The following NR3C2 variants were observed in gnomAD, a reference collection of about 807,000 sequenced individuals.
NR3C2 encodes mineralocorticoid receptor.
Under a neutral mutation model 86.4 loss-of-function variants are expected in NR3C2, and 15 were observed. The ratio of observed to expected loss-of-function variants is 0.17; its 90% CI spans 0.12 to 0.27. The LOEUF (loss-of-function observed/expected upper bound fraction) is 0.27, where lower values mean the gene tolerates loss of function less well. Among genes scored for constraint, NR3C2 ranks in the 10% least tolerant of loss-of-function variants. The pLI is 1.00. For missense variants in NR3C2, 960 were observed against 1,195.6 expected, an observed-to-expected ratio of 0.80 and a Z score of 2.91; for synonymous variants, 458 against 450.5, an observed-to-expected ratio of 1.02 and a Z score of -0.21.
At chr4:148,398,663 T>G (rs1194945466) in intron 2 of NR3C2, among the ~76,000 whole-genome samples, 1 of 152,204 alleles carries the variant, frequency 6.6e-6, no homozygotes, top group African/African-American at 2.4e-5. Context: ...AAACTCCTGA[T>G]TAATTTATTC....
At chr4:148,134,480 C>T (rs904993057) in intron 6 of NR3C2, among the ~76,000 whole-genome samples, 7 of 152,004 alleles carry the variant, frequency 4.6e-5, no homozygotes, top group African/African-American at 1.4e-4. Flanking sequence ...TCCTCTACTT[C>T]GAAATTCTGT....
At chr4:148,156,916 CAAT>C (rs758360034) in intron 4 of NR3C2, among the ~76,000 whole-genome samples, 115 of 151,952 alleles carry the variant, frequency 7.6e-4, no homozygotes, top group Non-Finnish European at 1.4e-3. Flanking sequence ...AAATGTCCAA[CAAT>C]GATAGACTGA....
intron 8 of NR3C2, among the ~76,000 whole-genome samples, chr4:148,095,347 C>T (rs2149712664): frequency 1.3e-5 from 2 of 152,294 alleles, no homozygotes; most frequent in East Asian, 3.9e-4. Context: ...GATATGAAAA[C>T]TCCATCCCTT....
intron 6 of NR3C2, among the ~76,000 whole-genome samples, chr4:148,138,107 G>C (rs1171406302): frequency 6.6e-6 from 1 of 152,160 alleles, no homozygotes; most frequent in Non-Finnish European, 1.5e-5. Context: ...AGGGTCCTGA[G>C]AACACACTGT....
chr4:148,239,585 A>G (rs1385292479), intron 3 of NR3C2, among the ~76,000 whole-genome samples: 3 of 152,218 alleles, frequency 2.0e-5, no homozygotes, highest in Admixed American at 1.3e-4. Context: ...AAAGATGCAG[A>G]GGACAGGCAA....
chr4:148,143,169 G>C (rs371026199), intron 6 of NR3C2, among the ~76,000 whole-genome samples: 2 of 152,228 alleles, frequency 1.3e-5, no homozygotes, highest in African/African-American at 4.8e-5. Flanking sequence ...GCTGAGACAA[G>C]AAGGCTCGAA....
At chr4:148,367,633 C>T (rs1746214043) in intron 2 of NR3C2, among the ~76,000 whole-genome samples, 1 of 151,930 alleles carries the variant, frequency 6.6e-6, no homozygotes, top group Admixed American at 6.6e-5. Flanking sequence ...AACCACAATC[C>T]CAACCTAATA....
At chr4:148,254,073 T>G (rs1296310824) in intron 3 of NR3C2, among the ~76,000 whole-genome samples, 1 of 152,088 alleles carries the variant, frequency 6.6e-6, no homozygotes, top group Non-Finnish European at 1.5e-5. Context: ...TCAGATGGTC[T>G]TACTATCTGC....
chr4:148,278,217 C>T (rs1196356271), intron 2 of NR3C2, among the ~76,000 whole-genome samples: 2 of 152,028 alleles, frequency 1.3e-5, no homozygotes, highest in Admixed American at 1.3e-4. Context: ...AAGAGATTTT[C>T]ATGCTTCAGC....
At chr4:148,127,327 A>G (rs914939963) in intron 6 of NR3C2, among the ~76,000 whole-genome samples, 2 of 152,220 alleles carry the variant, frequency 1.3e-5, no homozygotes, top group Non-Finnish European at 1.5e-5. Context: ...TATTGGTATT[A>G]ATTTTGCAAT....
intron 3 of NR3C2, among the ~76,000 whole-genome samples, chr4:148,251,192 C>T (rs1314961657): frequency 1.3e-5 from 2 of 152,088 alleles, no homozygotes; most frequent in East Asian, 3.9e-4. Flanking sequence ...CTCCTGAGCT[C>T]TAATAATCCA....
chr4:148,239,255 T>C (rs1289145411), intron 3 of NR3C2, among the ~76,000 whole-genome samples: 2 of 152,228 alleles, frequency 1.3e-5, no homozygotes, highest in African/African-American at 4.8e-5. Flanking sequence ...TTCTAAGTGA[T>C]GTATCAGCAA....
At position 148,303,951 on chromosome 4, in the gene NR3C2, T is replaced by C. The variant is rs998041535; in HGVS notation, c.1758-43834A>G. On this transcript the variant is annotated intron_variant, in intron 2 of 8. Transcript: ENST00000358102. ...GACCCCCATGGGCAGCAGCCCGTCA[T>C]GGTCACCAGGACTCAGGGATGCGAG... Among the ~76,000 whole-genome samples, 9 of 152,328 alleles carry C rather than the reference T, an allele frequency of 5.9e-5. No individual in the cohort carries two copies. In the South Asian group the frequency reaches 6.2e-4, roughly 11 times the overall value.
intron 6 of NR3C2, among the ~76,000 whole-genome samples, chr4:148,134,167 G>A (rs72651899): frequency 1.9e-3 from 284 of 152,228 alleles, no homozygotes; most frequent in African/African-American, 6.2e-3. Flanking sequence ...GCCACGTGTC[G>A]TTTCTTATTA....
chr4:148,435,632 C>T lies in NR3C2; in HGVS notation c.1229G>A (p.Cys410Tyr). Residue 410 changes from cysteine to tyrosine, a missense_variant, in exon 2 of 9, where the codon TGT becomes TAT. Coordinates refer to ENST00000358102, the MANE Select transcript of NR3C2 (RefSeq NM_000901.5). ...ATTTATTTTGCTATTTCCTCCTAGA[C>T]ATGAGCTGCTAAAAGCTCCATCTGG... The part of the protein sequence containing the change: ...PEPDGAFSSS[C>Y]LGGNSKINSD... The T allele has an allele frequency of 5.0e-6, 8 of 1,614,196 alleles. No homozygotes were observed. The highest frequency in any genetic ancestry group is 6.8e-6 in the Non-Finnish European group (8 of 1,180,052).
At chr4:148,222,153 T>A (rs1156289504) in intron 3 of NR3C2, among the ~76,000 whole-genome samples, 3 of 152,178 alleles carry the variant, frequency 2.0e-5, no homozygotes, top group Non-Finnish European at 4.4e-5. Context: ...ATTTATTTAA[T>A]CTATGGAACA....
intron 4 of NR3C2, among the ~76,000 whole-genome samples, chr4:148,155,751 G>GA (rs974232304): frequency 9.3e-5 from 14 of 150,772 alleles, no homozygotes; most frequent in Admixed American, 4.0e-4. Flanking sequence ...CACGGAATTG[G>GA]AAAAAACTAC....
At chr4:148,142,939 G>A (rs1733683879) in intron 6 of NR3C2, among the ~76,000 whole-genome samples, 1 of 152,126 alleles carries the variant, frequency 6.6e-6, no homozygotes, top group Non-Finnish European at 1.5e-5. Context: ...GCCATGTGAT[G>A]TGCCTACTCT....
At chr4:148,102,518 T>A (rs1420398541) in intron 8 of NR3C2, among the ~76,000 whole-genome samples, 2 of 152,266 alleles carry the variant, frequency 1.3e-5, no homozygotes, top group East Asian at 3.9e-4. Context: ...CTTCCAACTC[T>A]GGGGAGTTCT....
Sources: gnomAD v4.1 joint callset for allele counts (sites outside exome capture counted in the v4.1 genomes callset) on GRCh38, gnomAD v4.1.1 for gene constraint, MANE v1.5 for transcripts, NCBI Gene and HGNC (gene_info 2026-07-23, HGNC 2026-07-21) for gene names.